Variants in LAMA4 observed in about 807,000 individuals in gnomAD.
The protein encoded by LAMA4 is laminin subunit alpha-4.
Under a neutral mutation model 207.1 loss-of-function variants are expected in LAMA4, and 127 were observed. The ratio of observed to expected loss-of-function variants is 0.61; its 90% confidence interval spans 0.53 to 0.71. LAMA4 has a LOEUF of 0.71. Ranked by LOEUF, LAMA4 falls within the 30% of genes least tolerant of loss-of-function variation. LAMA4 has a pLI of 0.00. For synonymous variants in LAMA4, 761 were observed against 816.0 expected, an observed-to-expected ratio of 0.93 and a Z score of 1.15; for missense variants, 2,093 against 2,246.5, an observed-to-expected ratio of 0.93 and a Z score of 1.38.
chr6:112,162,965 CTTTT>C (rs34824903), intron 13 of LAMA4, among the ~76,000 whole-genome samples: 3 of 91,284 alleles, frequency 3.3e-5, no homozygotes, highest in Non-Finnish European at 4.1e-5. Flanking sequence ...CAGCTCAAAT[CTTTT>C]TTTTTTTTTT....
At chr6:112,166,031 G>A (rs1554339834) in intron 12 of LAMA4, among the ~76,000 whole-genome samples, 1 of 152,144 alleles carries the variant, frequency 6.6e-6, no homozygotes, top group East Asian at 1.9e-4. Flanking sequence ...TACAATTTGA[G>A]TGAAAAATGA....
At chr6:112,248,744 C>T (rs1368758805) in intron 2 of LAMA4, among the ~76,000 whole-genome samples, 6 of 151,754 alleles carry the variant, frequency 4.0e-5, no homozygotes, top group South Asian at 2.1e-4. Context: ...TGTAGCATCA[C>T]GTGGAGGACA....
At chr6:112,167,490 C>T (rs1456862797) in intron 12 of LAMA4, among the ~76,000 whole-genome samples, 3 of 151,942 alleles carry the variant, frequency 2.0e-5, no homozygotes, top group Admixed American at 6.6e-5. Context: ...ATCTATTTGT[C>T]GTAGGAAAGA....
intron 4 of LAMA4, among the ~76,000 whole-genome samples, chr6:112,202,579 G>A (rs1421774016): frequency 1.3e-5 from 2 of 152,082 alleles, no homozygotes; most frequent in African/African-American, 4.8e-5. Context: ...TACCCTAATG[G>A]TGTTTGGAGG....
intron 28 of LAMA4, among the ~76,000 whole-genome samples, chr6:112,132,424 G>A (rs1446106290): frequency 2.0e-5 from 3 of 152,030 alleles, no homozygotes; most frequent in African/African-American, 7.2e-5. Context: ...ATACTACTGT[G>A]GTGTGTTGCC....
At chr6:112,163,061 T>TC (rs1781158669) in intron 13 of LAMA4, among the ~76,000 whole-genome samples, 1 of 149,610 alleles carries the variant, frequency 6.7e-6, no homozygotes, top group Non-Finnish European at 1.5e-5. Flanking sequence ...AGCCTGCACT[T>TC]CCCGGGCTCA....
At chr6:112,204,813 T>A (rs6939619) in intron 4 of LAMA4, among the ~76,000 whole-genome samples, 1 of 152,112 alleles carries the variant, frequency 6.6e-6, no homozygotes, top group African/African-American at 2.4e-5. Context: ...CTTTTGCACA[T>A]GTTATTAATA....
intron 5 of LAMA4, among the ~76,000 whole-genome samples, chr6:112,196,843 T>G (rs1380805755): frequency 2.0e-5 from 3 of 152,128 alleles, no homozygotes; most frequent in Admixed American, 6.5e-5. Context: ...TATTTTTACT[T>G]AAATAAAAAC....
intron 17 of LAMA4, among the ~76,000 whole-genome samples, chr6:112,149,873 C>T (rs1554335363): frequency 6.6e-6 from 1 of 152,138 alleles, no homozygotes; most frequent in Non-Finnish European, 1.5e-5. Flanking sequence ...AGTAAAACAC[C>T]CATATGCTGC....
chr6:112,185,010 C>T (rs1782599401), intron 9 of LAMA4, among the ~76,000 whole-genome samples: 1 of 152,146 alleles, frequency 6.6e-6, no homozygotes, highest in Non-Finnish European at 1.5e-5. Flanking sequence ...AGAAAATTCT[C>T]CACAAACATA....
In LAMA4 at chr6:112,165,158, A is replaced by G. The variant is rs1554339514; in HGVS notation, c.1668+2T>C. Reference sequence around the variant, plus strand: ...ACCTGAACAAGTCACGTGCGTCCTTACCTTTATTATATCATCAAGTTCTGA... The same window carrying G: ...ACCTGAACAAGTCACGTGCGTCCTTGCCTTTATTATATCATCAAGTTCTGA... On this transcript the variant is annotated splice_donor_variant, in intron 13 of 38. Transcript: ENST00000230538. LOFTEE classifies it high-confidence loss of function. 1.9e-6 allele frequency: 3 copies of G among 1,559,996 alleles called. No homozygotes were observed. The highest frequency in any genetic ancestry group is 2.7e-6 in the Non-Finnish European group (3 of 1,130,660).
intron 2 of LAMA4, among the ~76,000 whole-genome samples, chr6:112,240,839 C>A (rs562077080): frequency 6.6e-6 from 1 of 152,074 alleles, no homozygotes; most frequent in East Asian, 1.9e-4. Flanking sequence ...GTAAACAGTG[C>A]TGTGACAAAT....
chr6:112,109,559 C>T lies in LAMA4; in HGVS notation c.5350G>A (p.Ala1784Thr). 1 of 1,613,932 alleles carries T rather than the reference C, an allele frequency of 6.2e-7. No individual in the cohort carries two copies. Residue 1784 changes from alanine to threonine, a missense_variant, in exon 39 of 39, where the codon GCC becomes ACC. Transcript: ENST00000230538. ...CAGCCTGTGAAGGGTTTGCTGGGGGCCAAGCGTGGTGTCAGTAGAGATTCT... is the reference window on the plus strand; with the variant it reads ...CAGCCTGTGAAGGGTTTGCTGGGGGTCAAGCGTGGTGTCAGTAGAGATTCT... ...VPESLLTPRLAPSKPFTGCIR... is the reference protein window; with the variant it reads ...VPESLLTPRLTPSKPFTGCIR...
At chr6:112,142,529 G>A (rs781831601) in intron 19 of LAMA4, among the ~76,000 whole-genome samples, 5 of 152,090 alleles carry the variant, frequency 3.3e-5, no homozygotes, top group Non-Finnish European at 7.3e-5. Flanking sequence ...CCAAGAATGA[G>A]GATAAATATG....
chr6:112,244,084 G>A (rs782756757), intron 2 of LAMA4, among the ~76,000 whole-genome samples: 16 of 152,080 alleles, frequency 1.1e-4, no homozygotes, highest in Non-Finnish European at 1.9e-4. Flanking sequence ...ATAAAGCTAG[G>A]ATGATTCAGT....
At chr6:112,157,337 A>T (rs1780779331) in intron 14 of LAMA4, among the ~76,000 whole-genome samples, 1 of 152,244 alleles carries the variant, frequency 6.6e-6, no homozygotes, top group African/African-American at 2.4e-5. Context: ...GGCACAGAAC[A>T]AGTACTAACT....
chr6:112,200,174 G>T (rs782466233), intron 5 of LAMA4: 4 of 533,002 alleles, frequency 7.5e-6, no homozygotes, highest in Non-Finnish European at 1.5e-5. Context: ...TGTGGAGAAG[G>T]CCTTTCTTAC....
chr6:112,237,433 C>T (rs1357223622), intron 2 of LAMA4, among the ~76,000 whole-genome samples: 1 of 152,158 alleles, frequency 6.6e-6, no homozygotes, highest in East Asian at 1.9e-4. Context: ...CATAGTGGTT[C>T]TCAAATATTT....
chr6:112,207,063 T>C lies in LAMA4; in HGVS notation c.380A>G (p.Gln127Arg). 1 of 1,613,970 alleles carries C rather than the reference T, an allele frequency of 6.2e-7. No individual in the cohort carries two copies. Among genetic ancestry groups the C allele is most frequent in the African/African-American group, 1.3e-5 (1 of 75,032 alleles). Reference protein sequence around the residue: ...YIGDSIRGAPQFCQPCPCPLP... With the variant: ...YIGDSIRGAPRFCQPCPCPLP... ...GGGACAGGGGCACGGCTGGCAGAAT[T>C]GGGGTGCTCCCCTGATGGAATCTCC... Residue 127 changes from glutamine (Q) to arginine (R), a missense_variant, in exon 4 of 39, where the codon CAA (glutamine) becomes CGA (arginine). Gln to Arg is a conservative substitution (Grantham distance 43). Transcript: ENST00000230538.
Sources: allele counts gnomAD v4.1 joint callset (sites outside exome capture counted in the v4.1 genomes callset), GRCh38; gene constraint gnomAD v4.1.1; transcripts MANE v1.5; gene names NCBI Gene and HGNC (gene_info 2026-07-23, HGNC 2026-07-21).